Variants in SLC17A8 observed in about 807,000 individuals in gnomAD.
The protein encoded by SLC17A8 is vesicular glutamate transporter 3.
Under a neutral mutation model 58.0 loss-of-function variants are expected in SLC17A8, and 31 were observed. The ratio of observed to expected loss-of-function variants is 0.53; its 90% confidence interval spans 0.40 to 0.72. The LOEUF (loss-of-function observed/expected upper bound fraction) is 0.72. Among genes scored for constraint, SLC17A8 ranks in the 30% least tolerant of loss-of-function variants. SLC17A8 has a pLI of 0.00. For synonymous variants in SLC17A8, 228 were observed against 249.0 expected (o/e 0.92, Z 0.79); for missense variants, 655 against 727.8 (o/e 0.90, Z 1.15).
At chr12:100,372,215 G>A (rs1303555046) in intron 1 of SLC17A8, among the ~76,000 whole-genome samples, 1 of 152,170 alleles carries the variant, frequency 6.6e-6, no homozygotes, top group African/African-American at 2.4e-5. Flanking sequence ...GAAGCTAGAA[G>A]TCCAAGATCA....
rs142172088 is a variant in SLC17A8 at position 100,365,489 on chromosome 12, T to G, written c.101+7997T>G. On this transcript the variant is annotated intron_variant, in intron 1 of 11. Coordinates refer to ENST00000323346, the MANE Select transcript of SLC17A8 (RefSeq NM_139319.3). ...ACAGAACATTTTCTTGTTTTTGGAT[T>G]TCATTAAAAACCAGCAGCCTTTTAT... Among the ~76,000 whole-genome samples the G allele has an allele frequency of 3.4e-3, 523 of 152,280 alleles. 2 individuals are homozygous for G. The highest frequency in any genetic ancestry group is 0.011 in the African/African-American group (464 of 41,520).
chr12:100,413,245 G>T lies in SLC17A8; in HGVS notation c.1297+365G>T, dbSNP rs1035069901. On this transcript the variant is annotated intron_variant, in intron 10 of 11. Transcript: ENST00000323346. ...GGCTCCTGTGACTTTTTCAAGCCTC[G>T]CCCTCTTGCTAGAGAACTGCGAGTG... 2.6e-5 allele frequency among the ~76,000 whole-genome samples: 4 copies of T among 152,170 alleles called. No homozygotes were observed. The East Asian group carries it at 7.7e-4, about 29-fold the overall frequency.
intron 1 of SLC17A8, among the ~76,000 whole-genome samples, chr12:100,364,478 C>T (rs75322053): frequency 0.043 from 6,484 of 152,226 alleles, 422 homozygotes; most frequent in African/African-American, 0.14. Flanking sequence ...GTGGGAGCTC[C>T]GACATAGCCT....
chr12:100,419,696 C>A, intron 11 of SLC17A8, 119 bp from the exon 12 acceptor site: 6 of 939,288 alleles, frequency 6.4e-6, no homozygotes, highest in East Asian at 2.5e-5. Context: ...GCCCAAGGAG[C>A]CTCTAGAGCA....
intron 1 of SLC17A8, among the ~76,000 whole-genome samples, chr12:100,379,615 C>A (rs559939463): frequency 1.3e-5 from 2 of 152,070 alleles, no homozygotes; most frequent in African/African-American, 4.8e-5. Context: ...CTTAAGTGGG[C>A]CATGACAGTA....
chr12:100,412,633 T>TA lies in SLC17A8; in HGVS notation c.1187-127dup, dbSNP rs138819500. ...AAAACTTAAATTCCAGAACTTAAAG[T>TA]AAAAAAAAAACATAGACACAAACAA... is the stretch of plus-strand genomic sequence containing the variant. On this transcript the variant is annotated intron_variant, in intron 9 of 11. Coordinates refer to ENST00000323346, the MANE Select transcript of SLC17A8 (RefSeq NM_139319.3). 56,932 of 563,904 alleles carry TA rather than the reference T, an allele frequency of 0.1. 1,673 individuals carry two copies. Among genetic ancestry groups the TA allele is most frequent in the South Asian group, 0.17 (8,103 of 48,444 alleles). The allele number at this position is 563,904 out of a possible 1,614,324, so 34.9% of individuals were successfully genotyped here. A position where few individuals can be genotyped will look rare whatever the true frequency, so the allele number is the denominator to read the frequency against.
intron 2 of SLC17A8, among the ~76,000 whole-genome samples, chr12:100,382,443 GAAAC>G (rs981727688): frequency 4.0e-4 from 61 of 152,182 alleles, no homozygotes; most frequent in African/African-American, 1.4e-3. Flanking sequence ...TGGGGTAAAA[GAAAC>G]AAACAAAAAT....
rs1944076207 is a variant in SLC17A8, at chr12:100,357,255, T to A, written c.-137T>A. 3 of 725,934 alleles carry A rather than the reference T, an allele frequency of 4.1e-6. No individual in the cohort carries two copies. The highest frequency in any genetic ancestry group is 1.9e-5 in the Admixed American group (1 of 52,234). The allele number at this position is 725,934 out of a possible 1,614,324, so 45.0% of individuals were successfully genotyped here. On this transcript the variant is annotated 5_prime_UTR_variant, in exon 1 of 12. Coordinates refer to ENST00000323346, the MANE Select transcript of SLC17A8 (RefSeq NM_139319.3). ...AGCTGGGTTTCATCTCCTTTTTGAT[T>A]TTGAGTAGTTCCCTCCACGAGAACT...
chr12:100,401,896 A>T, intron 6 of SLC17A8, 33 bp downstream of exon 6: 1 of 1,546,006 alleles, frequency 6.5e-7, no homozygotes, highest in Non-Finnish European at 8.9e-7. Flanking sequence ...TTCACATGTG[A>T]CTCATAGAGA....
At chr12:100,367,334 A>G (rs1318240097) in intron 1 of SLC17A8, among the ~76,000 whole-genome samples, 2 of 152,250 alleles carry the variant, frequency 1.3e-5, no homozygotes, top group Non-Finnish European at 2.9e-5. Context: ...TTAAAGGAAT[A>G]GAAGATAGCC....
At chr12:100,370,111 T>C (rs1952549144) in intron 1 of SLC17A8, among the ~76,000 whole-genome samples, 1 of 152,050 alleles carries the variant, frequency 6.6e-6, no homozygotes, top group Non-Finnish European at 1.5e-5. Context: ...TATTTTTTTA[T>C]TTATTTAATA....
At chr12:100,378,659 G>T (rs1166216629) in intron 1 of SLC17A8, among the ~76,000 whole-genome samples, 1 of 152,066 alleles carries the variant, frequency 6.6e-6, no homozygotes, top group African/African-American at 2.4e-5. Flanking sequence ...TTCGTGAGGG[G>T]ATAAAAGGGG....
intron 10 of SLC17A8, among the ~76,000 whole-genome samples, chr12:100,417,182 A>C (rs948963659): frequency 1.3e-5 from 2 of 152,254 alleles, no homozygotes; most frequent in African/African-American, 4.8e-5. Context: ...CTGAGATTAT[A>C]GGCGTGAGCA....
chr12:100,393,747 A>G (rs1431553588), intron 4 of SLC17A8, among the ~76,000 whole-genome samples: 1 of 152,244 alleles, frequency 6.6e-6, no homozygotes, highest in Non-Finnish European at 1.5e-5. Context: ...ATTTTAATAG[A>G]TAGTGTAACT....
rs1246553742 is a variant in SLC17A8 at position 100,380,898 on chromosome 12, T to C, written c.299T>C (p.Ile100Thr). ...FGIRCNLGVAIVEMVNNSTVY... is the reference protein window; with the variant it reads ...FGIRCNLGVATVEMVNNSTVY... Reference sequence around the variant, plus strand: ...ATCCGGTGCAATCTTGGAGTTGCCATTGTGGAAATGGTCAACAATAGCACC... The same window carrying C: ...ATCCGGTGCAATCTTGGAGTTGCCACTGTGGAAATGGTCAACAATAGCACC... The change falls in exon 2 of 12, where the codon ATT (isoleucine) becomes ACT (threonine). Residue 100 changes from isoleucine to threonine, a missense_variant. Ile to Thr is a moderately conservative substitution (Grantham distance 89). Transcript: ENST00000323346. 6.2e-7 allele frequency: 1 copy of C among 1,614,130 alleles called. No homozygotes were observed. Among genetic ancestry groups the C allele is most frequent in the Non-Finnish European group, 8.5e-7 (1 of 1,180,030 alleles).
chr12:100,359,365 A>G (rs1952468801), intron 1 of SLC17A8, among the ~76,000 whole-genome samples: 1 of 152,146 alleles, frequency 6.6e-6, no homozygotes, highest in South Asian at 2.1e-4. Flanking sequence ...AGCTACATGG[A>G]GATCTTTTTG....
At chr12:100,365,486 G>A (rs1233971086) in intron 1 of SLC17A8, among the ~76,000 whole-genome samples, 1 of 152,070 alleles carries the variant, frequency 6.6e-6, no homozygotes, top group Non-Finnish European at 1.5e-5. Flanking sequence ...CTTGTTTTTG[G>A]ATTTCATTAA....
In SLC17A8 at chr12:100,404,100, A is replaced by G. The variant is rs1167568177; in HGVS notation, c.1116A>G (p.Gln372=). 5 of 1,614,176 alleles carry G rather than the reference A, an allele frequency of 3.1e-6. No individual in the cohort carries two copies. The East Asian group carries it at 1.1e-4, about 36-fold the overall frequency. Residue 372 remains glutamine, a synonymous_variant, in exon 9 of 12, where the codon CAA becomes CAG. Transcript: ENST00000323346. ...VMTIVVPIGG[Q]LADYLRSRQI... ...CAATCGTTGTACCTATTGGAGGACAATTGGCTGATTATTTAAGAAGCAGAC... is the reference window on the plus strand; with the variant it reads ...CAATCGTTGTACCTATTGGAGGACAGTTGGCTGATTATTTAAGAAGCAGAC...
At chr12:100,386,748 G>A (rs1047430352) in intron 2 of SLC17A8, among the ~76,000 whole-genome samples, 1 of 149,170 alleles carries the variant, frequency 6.7e-6, no homozygotes, top group Non-Finnish European at 1.5e-5. Context: ...GAGTGCAGTG[G>A]CACAATCTTG....
Sources: gnomAD v4.1 joint callset for allele counts (sites outside exome capture counted in the v4.1 genomes callset) on GRCh38, gnomAD v4.1.1 for gene constraint, MANE v1.5 for transcripts, NCBI Gene and HGNC (gene_info 2026-07-23, HGNC 2026-07-21) for gene names.